RANBP17: variants seen among roughly 807,000 people sequenced by gnomAD.
RANBP17 encodes the protein ran-binding protein 17.
In RANBP17, 158 loss-of-function variants were observed where a neutral mutation model predicts 141.2. The observed-to-expected ratio is 1.12, with a 90% CI of 0.98 to 1.28. The LOEUF (loss-of-function observed/expected upper bound fraction) is 1.28, where lower values mean the gene tolerates loss of function less well. Among genes scored for constraint, RANBP17 ranks in the 50% most tolerant of loss-of-function variants. RANBP17 has a pLI of 0.00. For missense variants in RANBP17, 1,438 were observed against 1,290.7 expected (o/e 1.11, Z -1.75); for synonymous variants, 430 against 450.0 (o/e 0.96, Z 0.56).
chr5:171,221,725 C>T, intron 21 of RANBP17, 33 bp from the exon 22 acceptor site: 2 of 1,308,826 alleles, frequency 1.5e-6, no homozygotes, highest in Non-Finnish European at 2.2e-6. Flanking sequence ...TCTTTATCTT[C>T]ACATATAGGC....
intron 14 of RANBP17, among the ~76,000 whole-genome samples, chr5:171,070,630 G>A (rs1193131457): frequency 2.0e-5 from 3 of 152,112 alleles, no homozygotes; most frequent in African/African-American, 7.2e-5. Flanking sequence ...GTCAATGTTA[G>A]AAGAAATTAG....
At chr5:171,071,944 A>AGTC (rs1784659343) in intron 14 of RANBP17, among the ~76,000 whole-genome samples, 1 of 152,112 alleles carries the variant, frequency 6.6e-6, no homozygotes, top group African/African-American at 2.4e-5. Flanking sequence ...CAAGAATGAA[A>AGTC]AGTCAAGTGC....
At chr5:171,107,586 C>A (rs1754942533) in intron 14 of RANBP17, among the ~76,000 whole-genome samples, 1 of 152,158 alleles carries the variant, frequency 6.6e-6, no homozygotes, top group South Asian at 2.1e-4. Flanking sequence ...AGTAAATCTA[C>A]ATGCAAATTA....
intron 12 of RANBP17, among the ~76,000 whole-genome samples, chr5:170,935,297 T>G (rs947248218): frequency 6.6e-6 from 1 of 152,226 alleles, no homozygotes; most frequent in Non-Finnish European, 1.5e-5. Context: ...GTCTGAAGCC[T>G]TCTTCTCTCG....
chr5:171,211,001 CAA>C (rs949233363), intron 20 of RANBP17, among the ~76,000 whole-genome samples: 45 of 75,328 alleles, frequency 6.0e-4, no homozygotes, highest in Middle Eastern at 0.01. Context: ...AAGACCCCGT[CAA>C]AAAAAAAAAA....
At chr5:171,283,104 A>ACCTTCTCT (rs1767950725) in intron 25 of RANBP17, among the ~76,000 whole-genome samples, 1 of 152,070 alleles carries the variant, frequency 6.6e-6, no homozygotes, top group Non-Finnish European at 1.5e-5. Context: ...AACAGATCCA[A>ACCTTCTCT]ATGTCACCTT....
intron 14 of RANBP17, among the ~76,000 whole-genome samples, chr5:170,992,397 C>T (rs761648526): frequency 1.3e-5 from 2 of 151,940 alleles, no homozygotes; most frequent in Non-Finnish European, 2.9e-5. Flanking sequence ...GTTATGTTGC[C>T]TCTTTTGTCA....
rs145925140 is a variant in RANBP17 at position 171,128,331 on chromosome 5, G to A, written c.1711-41799G>A. Among the ~76,000 whole-genome samples the A allele has an allele frequency of 2.0e-3, 302 of 152,184 alleles. 1 individual carries two copies. Among genetic ancestry groups the A allele is most frequent in the African/African-American group, 6.9e-3 (286 of 41,520 alleles). On this transcript the variant is annotated intron_variant, in intron 14 of 27. Transcript: ENST00000523189. ...ATGCCATTCAGCTATGAAAAAAAGC[G>A]TGAAATCATGTCATCGAAGCATCCA...
At chr5:170,942,657 C>T (rs912132289) in intron 12 of RANBP17, among the ~76,000 whole-genome samples, 21 of 152,062 alleles carry the variant, frequency 1.4e-4, no homozygotes, top group African/African-American at 4.8e-4. Flanking sequence ...GGGACAAGCT[C>T]GGGAATGGTA....
At chr5:171,050,801 T>C (rs1429222375) in intron 14 of RANBP17, among the ~76,000 whole-genome samples, 1 of 152,224 alleles carries the variant, frequency 6.6e-6, no homozygotes, top group African/African-American at 2.4e-5. Flanking sequence ...CTTTCCCTTT[T>C]GTCTGAAGAA....
chr5:171,102,572 G>A (rs1198950990), intron 14 of RANBP17, among the ~76,000 whole-genome samples: 2 of 151,828 alleles, frequency 1.3e-5, no homozygotes, highest in African/African-American at 2.4e-5. Flanking sequence ...TTGTTATTAC[G>A]CACTTTCTGA....
At chr5:171,200,379 T>TA (rs1317773721) in intron 19 of RANBP17, among the ~76,000 whole-genome samples, 1 of 152,174 alleles carries the variant, frequency 6.6e-6, no homozygotes, top group Non-Finnish European at 1.5e-5. Flanking sequence ...TCATAATATC[T>TA]AAGACAACAT....
chr5:170,997,051 T>G (rs1317650659), intron 14 of RANBP17, among the ~76,000 whole-genome samples: 1 of 152,124 alleles, frequency 6.6e-6, no homozygotes, highest in Non-Finnish European at 1.5e-5. Context: ...ATGGGGGCAG[T>G]TTCCCCCCAT....
chr5:170,862,180 A>G, intron 1 of RANBP17, 129 bp downstream of exon 1: 1 of 959,646 alleles, frequency 1.0e-6, no homozygotes. Context: ...CCGGAGTCCC[A>G]GCCCCTGCCT....
chr5:171,297,195 A>G (rs533805744), intron 27 of RANBP17, among the ~76,000 whole-genome samples: 1 of 152,244 alleles, frequency 6.6e-6, no homozygotes, highest in Non-Finnish European at 1.5e-5. Context: ...AGATAGGTTC[A>G]GGCTTATCAG....
intron 14 of RANBP17, among the ~76,000 whole-genome samples, chr5:171,029,790 A>G (rs911023957): frequency 2.6e-5 from 4 of 152,060 alleles, no homozygotes; most frequent in African/African-American, 9.7e-5. Flanking sequence ...AAAAATCTAC[A>G]TGTATTCTGA....
At chr5:171,169,074 A>G (rs1302469831) in intron 14 of RANBP17, among the ~76,000 whole-genome samples, 2 of 152,174 alleles carry the variant, frequency 1.3e-5, no homozygotes, top group Non-Finnish European at 2.9e-5. Flanking sequence ...AGAAATTTCT[A>G]CAATGGCAGC....
intron 14 of RANBP17, among the ~76,000 whole-genome samples, chr5:171,037,619 G>A (rs1369957354): frequency 6.6e-6 from 1 of 151,910 alleles, no homozygotes; most frequent in Middle Eastern, 3.4e-3. Flanking sequence ...TTTGTATATG[G>A]TATATACAGC....
At chr5:170,958,955 C>A (rs1215688192) in intron 13 of RANBP17, among the ~76,000 whole-genome samples, 4 of 152,148 alleles carry the variant, frequency 2.6e-5, no homozygotes, top group Admixed American at 6.5e-5. Flanking sequence ...ATCCTGTTAA[C>A]TCATTTATGT....
Sources: allele counts gnomAD v4.1 joint callset (sites outside exome capture counted in the v4.1 genomes callset), GRCh38; gene constraint gnomAD v4.1.1; transcripts MANE v1.5; gene names NCBI Gene and HGNC (gene_info 2026-07-23, HGNC 2026-07-21).